Variants in RBFOX3 observed in about 807,000 individuals in gnomAD.
The protein encoded by RBFOX3 is RNA binding fox-1 homolog 3.
RBFOX3 carries 17 observed loss-of-function variants against 48.7 expected under a neutral mutation model. The observed-to-expected ratio is 0.35, with a 90% CI of 0.24 to 0.52. The LOEUF (loss-of-function observed/expected upper bound fraction) is 0.52, where lower values mean the gene tolerates loss of function less well. Ranked by LOEUF, RBFOX3 falls within the 20% of genes least tolerant of loss-of-function variation. The probability of loss-of-function intolerance (pLI) is 0.94; values close to 1 mark genes in which losing one functional copy is unlikely to be tolerated. For missense variants in RBFOX3, 382 were observed against 497.5 expected (o/e 0.77, Z 2.21); for synonymous variants, 212 against 209.5 (o/e 1.01, Z -0.10).
rs1008565074 is a variant in RBFOX3, at chr17:79,480,579, A to G, written c.-175+1875T>C. On this transcript the variant is annotated intron_variant, in intron 2 of 14. Coordinates refer to ENST00000693108, the MANE Select transcript of RBFOX3 (RefSeq NM_001350451.2). The surrounding 1 kb of genome is among the most constrained non-coding windows in gnomAD (Gnocchi z 4.8). ...ACCCTCTTCGTCATCTCCTTCCTCC[A>G]CCTGCACAGCCCCCGGACCCCGTGA... Among the ~76,000 whole-genome samples, 164 of 151,866 alleles carry G rather than the reference A, an allele frequency of 1.1e-3. 2 individuals are homozygous for G. The highest frequency in any genetic ancestry group is 3.8e-3 in the African/African-American group (159 of 41,376).
At chr17:79,554,334 C>T (rs972548188) in intron 1 of RBFOX3, among the ~76,000 whole-genome samples, 97 of 129,066 alleles carry the variant, frequency 7.5e-4, no homozygotes, top group Middle Eastern at 4.1e-3. Context: ...CCTCTCCATC[C>T]TCACTCACAG....
intron 4 of RBFOX3, among the ~76,000 whole-genome samples, chr17:79,186,564 G>C (rs2053446923): frequency 6.6e-6 from 1 of 152,184 alleles, no homozygotes. Flanking sequence ...GGGTGGCCCT[G>C]AGCAGGGGGT....
intron 4 of RBFOX3, among the ~76,000 whole-genome samples, chr17:79,187,294 T>TCCTG (rs2053600425): frequency 6.6e-6 from 1 of 152,142 alleles, no homozygotes; most frequent in South Asian, 2.1e-4. Context: ...TTCCTCATGC[T>TCCTG]CCTGCCCCTC....
At chr17:79,412,066 G>A (rs760483910) in intron 2 of RBFOX3, among the ~76,000 whole-genome samples, 13 of 152,094 alleles carry the variant, frequency 8.5e-5, no homozygotes, top group South Asian at 2.1e-4. Context: ...GTATGTGTGC[G>A]TGTAGACGCA....
chr17:79,158,486 C>T (rs2046294949), intron 4 of RBFOX3, among the ~76,000 whole-genome samples: 1 of 152,156 alleles, frequency 6.6e-6, no homozygotes, highest in Admixed American at 6.5e-5. Context: ...TACACTTCCC[C>T]ACGACTCAGA....
At chr17:79,285,199 C>G (rs1567976600) in intron 3 of RBFOX3, among the ~76,000 whole-genome samples, 1 of 152,222 alleles carries the variant, frequency 6.6e-6, no homozygotes, top group African/African-American at 2.4e-5. Flanking sequence ...CTGTAACCCT[C>G]TCCTCGCTCC....
At chr17:79,545,073 G>C (rs1555791491) in intron 1 of RBFOX3, among the ~76,000 whole-genome samples, 1 of 151,974 alleles carries the variant, frequency 6.6e-6, no homozygotes, top group African/African-American at 2.4e-5. Context: ...GAATCCTGGG[G>C]GGAAGGAGCA....
At chr17:79,292,741 T>G (rs1181465910) in intron 3 of RBFOX3, among the ~76,000 whole-genome samples, 2 of 152,234 alleles carry the variant, frequency 1.3e-5, no homozygotes, top group Non-Finnish European at 1.5e-5. Context: ...CCTTTTGCTT[T>G]CTTTCCTCCG....
chr17:79,555,971 AC>A (rs1331292454), intron 1 of RBFOX3, among the ~76,000 whole-genome samples: 1 of 152,148 alleles, frequency 6.6e-6, no homozygotes, highest in East Asian at 1.9e-4. Context: ...TGTCACCAAA[AC>A]CCAATACCAT....
At chr17:79,096,624 A>ACCCC in intron 12 of RBFOX3, 29 bp downstream of exon 12, 1 of 916,594 alleles carries the variant, frequency 1.1e-6, no homozygotes, top group Non-Finnish European at 1.7e-6. Context: ...GCCTGATCCC[A>ACCCC]CCCTCCCTCC....
At chr17:79,127,711 G>A (rs1318764600) in intron 4 of RBFOX3, among the ~76,000 whole-genome samples, 3 of 152,168 alleles carry the variant, frequency 2.0e-5, no homozygotes, top group African/African-American at 7.2e-5. Context: ...TTCCAGGAAA[G>A]ATGTCCTGCC....
chr17:79,092,217 T>C, intron 14 of RBFOX3: 1 of 985,528 alleles, frequency 1.0e-6, no homozygotes, highest in South Asian at 4.7e-5. Context: ...AATGTGGCTC[T>C]TGCCCTCATA....
chr17:79,584,065 A>G (rs2093163188), intron 1 of RBFOX3, among the ~76,000 whole-genome samples: 1 of 152,192 alleles, frequency 6.6e-6, no homozygotes, highest in African/African-American at 2.4e-5. Context: ...ACGGATCACA[A>G]AAGGCCTGGG....
rs1218076513 is a variant in RBFOX3 at position 79,220,941 on chromosome 17, A to G, written c.-34+14825T>C. On this transcript the variant is annotated intron_variant, in intron 4 of 14. Coordinates refer to ENST00000693108, the MANE Select transcript of RBFOX3 (RefSeq NM_001350451.2). The surrounding 1 kb of genome is among the most constrained non-coding windows in gnomAD (Gnocchi z 5.9). ...GGGTGGAGTGCAGGGAGGTGGGGCCACCGCCTGCAGGAGAGCCTGCATCTA... is the reference window on the plus strand; with the variant it reads ...GGGTGGAGTGCAGGGAGGTGGGGCCGCCGCCTGCAGGAGAGCCTGCATCTA... Among the ~76,000 whole-genome samples the G allele has an allele frequency of 1.3e-5, 2 of 152,064 alleles. No individual in the cohort carries two copies. The highest frequency in any genetic ancestry group is 3.2e-3 in the Middle Eastern group (1 of 316).
At chr17:79,485,934 G>A (rs1247672926) in intron 1 of RBFOX3, among the ~76,000 whole-genome samples, 3 of 152,240 alleles carry the variant, frequency 2.0e-5, no homozygotes, top group Non-Finnish European at 2.9e-5. Flanking sequence ...GTAATGGCAT[G>A]TTTTTCCCCA....
intron 2 of RBFOX3, among the ~76,000 whole-genome samples, chr17:79,373,692 T>C: frequency 6.6e-6 from 1 of 152,032 alleles, no homozygotes; most frequent in Middle Eastern, 3.4e-3. Flanking sequence ...TGCTTTCTCC[T>C]GGACAGAGCT....
intron 1 of RBFOX3, among the ~76,000 whole-genome samples, chr17:79,586,197 C>T (rs934502881): frequency 6.6e-6 from 1 of 152,204 alleles, no homozygotes; most frequent in Non-Finnish European, 1.5e-5. Flanking sequence ...CACGAGGGTG[C>T]CCCCATTCCA....
At chr17:79,338,237 C>G (rs1459032854) in intron 2 of RBFOX3, among the ~76,000 whole-genome samples, 1 of 152,126 alleles carries the variant, frequency 6.6e-6, no homozygotes, top group Admixed American at 6.5e-5. Flanking sequence ...CCGCGCCTGG[C>G]CTTCTCCAGA....
intron 4 of RBFOX3, chr17:79,234,293 C>G (rs1195091754): frequency 1.3e-5 from 2 of 152,296 alleles, no homozygotes; most frequent in Non-Finnish European, 2.9e-5. Context: ...CTGAGTGGCT[C>G]CGAGGTGACC....
Sources: gnomAD v4.1 joint callset for allele counts (sites outside exome capture counted in the v4.1 genomes callset) on GRCh38, gnomAD v4.1.1 for gene constraint, Gnocchi (gnomAD v3.1) non-coding constraint, MANE v1.5 for transcripts, NCBI Gene and HGNC (gene_info 2026-07-23, HGNC 2026-07-21) for gene names.